GBP1: variants seen among roughly 807,000 people sequenced by gnomAD.
GBP1 encodes guanylate binding protein 1, also known as guanylate-binding protein 1.
GBP1 carries 64 observed loss-of-function variants against 69.5 expected under a neutral mutation model. The observed-to-expected ratio is 0.92, with a 90% CI of 0.75 to 1.13. The LOEUF (loss-of-function observed/expected upper bound fraction) is 1.13. GBP1 is among the 50% of genes most tolerant of loss of function. The pLI is 0.00. For synonymous variants in GBP1, 250 were observed against 261.2 expected, an observed-to-expected ratio of 0.96 and a Z score of 0.41; for missense variants, 630 against 704.1, an observed-to-expected ratio of 0.89 and a Z score of 1.19.
intron 4 of GBP1, 69 bp from the exon 5 acceptor site, chr1:89,059,112 C>T (rs1490090419): frequency 6.9e-6 from 11 of 1,602,500 alleles, no homozygotes; most frequent in Middle Eastern, 1.6e-4. Context: ...TCAACACATA[C>T]CCAAACCTTC....
chr1:89,062,003 T>TATAAAAAAAAAAAAAAAAAAA (rs1680213894), intron 2 of GBP1, among the ~76,000 whole-genome samples: 1 of 150,764 alleles, frequency 6.6e-6, no homozygotes, highest in East Asian at 1.9e-4. Context: ...AAAAAACCAC[T>TATAAAAAAAAAAAAAAAAAAA]GAAAATAAAA....
At chr1:89,054,207 C>CT (rs1679985871) in intron 10 of GBP1, among the ~76,000 whole-genome samples, 1 of 152,016 alleles carries the variant, frequency 6.6e-6, no homozygotes, top group Non-Finnish European at 1.5e-5. Flanking sequence ...TCACTCCATT[C>CT]TCCTGCCTCA....
intron 10 of GBP1, among the ~76,000 whole-genome samples, chr1:89,054,380 G>A (rs1055332845): frequency 5.5e-5 from 8 of 145,338 alleles, no homozygotes; most frequent in South Asian, 2.3e-4. Flanking sequence ...GATTACAGGC[G>A]TGAGCCACAA....
chr1:89,063,673 A>G (rs1315742660), intron 1 of GBP1, among the ~76,000 whole-genome samples: 2 of 152,244 alleles, frequency 1.3e-5, no homozygotes, highest in African/African-American at 2.4e-5. Flanking sequence ...ATCAGTATTC[A>G]TAGTTTGATG....
chr1:89,064,228 TGTGTGTGTGTGTGAGAGAGA>T (rs1408487232), intron 1 of GBP1, among the ~76,000 whole-genome samples: 1 of 109,712 alleles, frequency 9.1e-6, no homozygotes, highest in African/African-American at 3.2e-5. Flanking sequence ...TGTGTGTGTG[TGTGTGTGTGTGTGAGAGAGA>T]GAGAGAGAGA....
Position 89,059,014 on chromosome 1 carries a change from C to T in GBP1, c.458G>A (p.Arg153Gln), listed in dbSNP as rs577188089. The change falls in exon 5 of 11, where the codon CGA becomes CAA. Residue 153 changes from arginine (R) to glutamine (Q), a missense_variant. Arg to Gln is a conservative substitution (Grantham distance 43). This residue lies in a region of GBP1 where 26 missense variants were observed against 54.9 expected (regional missense o/e 0.47). Coordinates refer to ENST00000370473, the MANE Select transcript of GBP1 (RefSeq NM_002053.3). ...ATTCTCATCAGGTGAGGATTTTGATCGGATTCTATGTGTCAGCTCTGTCAC... is the reference window on the plus strand; with the variant it reads ...ATTCTCATCAGGTGAGGATTTTGATTGGATTCTATGTGTCAGCTCTGTCAC... ...YYVTELTHRIRSKSSPDENEN... is the reference protein window; with the variant it reads ...YYVTELTHRIQSKSSPDENEN... The T allele has an allele frequency of 1.6e-5, 26 of 1,614,114 alleles. No individual in the cohort carries two copies. Among genetic ancestry groups the T allele is most frequent in the South Asian group, 6.6e-5 (6 of 91,070 alleles).
At chr1:89,057,767 G>A (rs1680081858) in intron 6 of GBP1, among the ~76,000 whole-genome samples, 1 of 152,184 alleles carries the variant, frequency 6.6e-6, no homozygotes, top group Non-Finnish European at 1.5e-5. Flanking sequence ...GCATAGTGCA[G>A]GTCCAGTTCA....
At position 89,064,452 on chromosome 1, in the gene GBP1, G is replaced by A. The variant is rs144132122; in HGVS notation, c.-20+708C>T. Among the ~76,000 whole-genome samples the A allele has an allele frequency of 4.6e-5, 7 of 152,248 alleles. No homozygotes were observed. The East Asian group carries it at 1.4e-3, about 29-fold the overall frequency. On this transcript the variant is annotated intron_variant, in intron 1 of 10. Coordinates refer to ENST00000370473, the MANE Select transcript of GBP1 (RefSeq NM_002053.3). ...TTAAAGAGGAAACACTTTTGGCCCT[G>A]CTCTCTACTAAAAGAAGACAAAATT...
intron 7 of GBP1, among the ~76,000 whole-genome samples, chr1:89,056,597 A>C (rs1490455676): frequency 6.6e-6 from 1 of 152,222 alleles, no homozygotes; most frequent in Non-Finnish European, 1.5e-5. Context: ...AAGAGTGGGC[A>C]GGTAATTTTA....
chr1:89,058,914 G>A lies in GBP1; in HGVS notation c.558C>T (p.Ser186=), dbSNP rs764556577. The A allele has an allele frequency of 3.7e-6, 6 of 1,613,958 alleles. No homozygotes were observed. Among genetic ancestry groups the A allele is most frequent in the Non-Finnish European group, 1.7e-6 (2 of 1,180,032 alleles). The change falls in exon 5 of 11, where the codon TCC becomes TCT. Residue 186 remains serine (S), a synonymous_variant. Coordinates refer to ENST00000370473, the MANE Select transcript of GBP1 (RefSeq NM_002053.3). The part of the protein sequence containing the change: ...PDFVWTLRDF[S]LDLEADGQPL... ...GTTGTCCATCTGCTTCCAAGTCCAG[G>A]GAGAAATCTCTCAGTGTCCACACAA...
At position 89,057,058 on chromosome 1, in the gene GBP1, C is replaced by G. The variant is rs1263363992; in HGVS notation, c.951G>C (p.Leu317=). The change falls in exon 7 of 11, where the codon CTG becomes CTC. Residue 317 remains leucine (L), a synonymous_variant. Coordinates refer to ENST00000370473, the MANE Select transcript of GBP1 (RefSeq NM_002053.3). The stretch of plus-strand genomic sequence containing the variant: ...CTGAGTTCTCTATCTGGGCCAAGGC[C>G]AGGACTGCGTTCTCCATGCACGGCA... ...GDLPCMENAV[L]ALAQIENSAA... 1 of 1,614,238 alleles carries G rather than the reference C, an allele frequency of 6.2e-7. No homozygotes were observed. Among genetic ancestry groups the G allele is most frequent in the East Asian group, 2.2e-5 (1 of 44,886 alleles).
intron 3 of GBP1, 108 bp from the exon 4 acceptor site, chr1:89,059,534 T>TTA: frequency 3.7e-6 from 4 of 1,087,612 alleles, no homozygotes; most frequent in Non-Finnish European, 5.1e-6. Context: ...TTTTTTTCTT[T>TTA]TCTTTTTTTT....
intron 5 of GBP1, 167 bp from the exon 6 acceptor site, chr1:89,058,401 C>A: frequency 3.2e-6 from 2 of 617,568 alleles, no homozygotes; most frequent in African/African-American, 1.8e-5. Flanking sequence ...AATGAATGGG[C>A]ATAGCATTAT....
chr1:89,058,707 A>G (rs903475236), intron 5 of GBP1, 134 bp downstream of exon 5: 2 of 806,630 alleles, frequency 2.5e-6, no homozygotes, highest in African/African-American at 1.7e-5. Flanking sequence ...ATATTCAGCA[A>G]GTATTAATTT....
At chr1:89,059,196 T>TG in intron 4 of GBP1, 121 bp downstream of exon 4, 1 of 1,600,618 alleles carries the variant, frequency 6.2e-7, no homozygotes. Flanking sequence ...CCTCTGTACT[T>TG]GCATTATTTT....
chr1:89,065,069 T>G (rs1680300814), intron 1 of GBP1, 91 bp downstream of exon 1: 2 of 152,224 alleles, frequency 1.3e-5, no homozygotes, highest in Non-Finnish European at 2.9e-5. Context: ...TTCCCATCCC[T>G]GCCACAACCT....
chr1:89,057,259 A>T, intron 6 of GBP1, 125 bp from the exon 7 acceptor site: 1 of 1,334,898 alleles, frequency 7.5e-7, no homozygotes, highest in Non-Finnish European at 1.0e-6. Flanking sequence ...ATCACTTGGA[A>T]GCTTGCTGGA....
Position 89,054,684 on chromosome 1 carries a change from G to C in GBP1, c.1663C>G (p.Gln555Glu). The C allele has an allele frequency of 1.2e-6, 2 of 1,613,022 alleles. No individual in the cohort carries two copies. The highest frequency in any genetic ancestry group is 1.7e-6 in the Non-Finnish European group (2 of 1,179,344). ...CTCAAGGTGATGCAATTAGATACCT[G>C]AAGTTTAAGAGCGAGGGTCCTCTCT... is the stretch of plus-strand genomic sequence containing the variant. ...EQERTLALKL[Q>E]EQEQLLKEGF... The change falls in exon 10 of 11, where the codon CAG becomes GAG. Residue 555 changes from glutamine (Q) to glutamate (E), a missense_variant and splice_region_variant. Gln to Glu is a conservative substitution (Grantham distance 29). Around this residue, in one of 5 missense-constraint regions of GBP1, gnomAD observed 71 missense variants for 72.7 expected, o/e 0.98. Coordinates refer to ENST00000370473, the MANE Select transcript of GBP1 (RefSeq NM_002053.3).
intron 4 of GBP1, 108 bp downstream of exon 4, chr1:89,059,209 G>A (rs997930647): frequency 6.2e-7 from 1 of 1,608,066 alleles, no homozygotes; most frequent in Non-Finnish European, 8.5e-7. Context: ...ATTATTTTTT[G>A]TTTTCTCCTT....
Sources: gnomAD v4.1 joint callset for allele counts (sites outside exome capture counted in the v4.1 genomes callset) on GRCh38, gnomAD v4.1.1 for gene constraint, gnomAD v4.1.1 regional missense constraint, MANE v1.5 for transcripts, NCBI Gene and HGNC (gene_info 2026-07-23, HGNC 2026-07-21) for gene names.